RBM25: variants seen among roughly 807,000 people sequenced by gnomAD.
RBM25 encodes the protein RNA binding motif protein 25.
Under a neutral mutation model 120.7 loss-of-function variants are expected in RBM25, and 19 were observed. The observed-to-expected ratio is 0.16, with a 90% CI of 0.11 to 0.23. RBM25 has a LOEUF of 0.23. RBM25 is among the 10% of genes least tolerant of loss of function. The pLI is 1.00. For synonymous variants in RBM25, 390 were observed against 326.7 expected, an observed-to-expected ratio of 1.19 and a Z score of -2.09; for missense variants, 605 against 1,041.5, an observed-to-expected ratio of 0.58 and a Z score of 5.77.
At chr14:73,076,687 A>G (rs1594903551) in intron 3 of RBM25, among the ~76,000 whole-genome samples, 1 of 151,854 alleles carries the variant, frequency 6.6e-6, no homozygotes, top group Non-Finnish European at 1.5e-5. Context: ...GTCCTGGGAG[A>G]TGGGAGAAGG....
chr14:73,093,523 C>A (rs1895862806), intron 6 of RBM25, among the ~76,000 whole-genome samples: 1 of 152,126 alleles, frequency 6.6e-6, no homozygotes, highest in Non-Finnish European at 1.5e-5. Flanking sequence ...TCCCTCTCTG[C>A]CCACCGAAGT....
intron 9 of RBM25, 104 bp from the exon 10 acceptor site, chr14:73,103,088 C>G (rs1896086147): frequency 1.3e-6 from 2 of 1,517,338 alleles, no homozygotes; most frequent in Non-Finnish European, 1.8e-6. Flanking sequence ...ATTAATGTAT[C>G]AGTGGTTTGG....
Position 73,097,184 on chromosome 14 carries a change from CTTTTTTCTTTTCTTTTTTTT to C in RBM25, c.729+91_729+110del. On this transcript the variant is annotated intron_variant, in intron 7 of 18. Transcript: ENST00000261973. The stretch of plus-strand genomic sequence containing the variant: ...TATACTTTGATTACATGTCAGTTTT[CTTTTTTCTTTTCTTTTTTTT>C]TTTTTTTTTTTTTTGAGATGGAGGC... 5.3e-5 allele frequency: 10 copies of C among 187,664 alleles called. No individual in the cohort carries two copies. In the South Asian group the frequency reaches 2.2e-3, roughly 41 times the overall value. The allele number at this position is 187,664 out of a possible 1,614,324, so 11.6% of individuals were successfully genotyped here. A position where few individuals can be genotyped will look rare whatever the true frequency, so the allele number is the denominator to read the frequency against.
intron 1 of RBM25, chr14:73,068,763 A>T: frequency 3.5e-6 from 1 of 286,480 alleles, no homozygotes; most frequent in Non-Finnish European, 6.9e-6. Flanking sequence ...TTTAGTAGAG[A>T]TGGGGTTTCA....
Position 73,106,234 on chromosome 14 carries a change from C to A in RBM25, c.1416C>A (p.Thr472=). The A allele has an allele frequency of 6.3e-7, 1 of 1,596,150 alleles. No individual in the cohort carries two copies. The highest frequency in any genetic ancestry group is 8.5e-7 in the Non-Finnish European group (1 of 1,173,758). ...KNWEIRERKK[T]REYEKEAERE... is the part of the protein sequence containing the mutation. ...GGGAAATCAGAGAACGAAAGAAAAC[C>A]CGGGAATATGAGAAAGAAGCTGAAA... Residue 472 remains threonine (T), a synonymous_variant, in exon 12 of 19, where the codon ACC becomes ACA. Coordinates refer to ENST00000261973, the MANE Select transcript of RBM25 (RefSeq NM_021239.3).
intron 2 of RBM25, among the ~76,000 whole-genome samples, chr14:73,073,369 T>TC (rs1420434575): frequency 2.0e-5 from 3 of 152,094 alleles, no homozygotes; most frequent in African/African-American, 7.2e-5. Context: ...ATTTAACACT[T>TC]CAAGAATTTG....
At chr14:73,092,404 A>T (rs1255684073) in intron 6 of RBM25, among the ~76,000 whole-genome samples, 1 of 152,064 alleles carries the variant, frequency 6.6e-6, no homozygotes, top group Non-Finnish European at 1.5e-5. Flanking sequence ...TAAGTAGAGG[A>T]TAGGAGAATG....
At chr14:73,086,446 AAAAAC>A (rs1895687967) in intron 5 of RBM25, among the ~76,000 whole-genome samples, 2 of 151,866 alleles carry the variant, frequency 1.3e-5, no homozygotes, top group Non-Finnish European at 2.9e-5. Flanking sequence ...AAAAAAAAAA[AAAAAC>A]AAAACAGTGG....
rs960285913 is a variant in RBM25, at chr14:73,111,778, C to G, written c.2268C>G (p.Pro756=). 3.1e-6 allele frequency: 5 copies of G among 1,609,004 alleles called. No homozygotes were observed. The African/African-American group carries it at 6.7e-5, about 22-fold the overall frequency. The change falls in exon 16 of 19, where the codon CCC becomes CCG. Residue 756 remains proline (P), a synonymous_variant. Coordinates refer to ENST00000261973, the MANE Select transcript of RBM25 (RefSeq NM_021239.3). ...CCAAACCTGAGCTCTTCGCTTATCC[C>G]CTGGATTGGTCTATTGTGGATTCTG... The part of the protein sequence containing the change: ...PTAKPELFAY[P]LDWSIVDSIL...
At chr14:73,114,482 A>G in intron 18 of RBM25, 149 bp downstream of exon 18, 1 of 517,340 alleles carries the variant, frequency 1.9e-6, no homozygotes, top group Non-Finnish European at 3.3e-6. Flanking sequence ...TCAGCCTCCC[A>G]AAGTGTTGAG....
Position 73,088,151 on chromosome 14 carries a change from C to T in RBM25, c.533C>T (p.Ala178Val), listed in dbSNP as rs1481069530. The T allele has an allele frequency of 6.2e-7, 1 of 1,614,006 alleles. No individual in the cohort carries two copies. The highest frequency in any genetic ancestry group is 1.7e-5 in the Admixed American group (1 of 59,980). ...GATGAATGGAAAGCAAAGAAGAAAG[C>T]TTCTAATGGGGTATGTTTTCTGTCG... The part of the protein sequence containing the change: ...QLDEWKAKKK[A>V]SNGNARPETV... Residue 178 changes from alanine (A) to valine (V), a missense_variant, in exon 6 of 19, where the codon GCT (alanine) becomes GTT (valine). This residue lies in a region of RBM25 where 465 missense variants were observed against 741.6 expected (regional missense o/e 0.63). Coordinates refer to ENST00000261973, the MANE Select transcript of RBM25 (RefSeq NM_021239.3).
Position 73,077,634 on chromosome 14 carries a change from A to T in RBM25, c.324+98A>T, listed in dbSNP as rs541990854. The T allele has an allele frequency of 2.4e-3, 2,832 of 1,162,028 alleles. 10 individuals carry two copies. The highest frequency in any genetic ancestry group is 3.0e-3 in the Non-Finnish European group (2,522 of 851,058). 72.0% of individuals were successfully genotyped at this position (1,162,028 alleles called of 1,614,324 possible). A position where few individuals can be genotyped will look rare whatever the true frequency, so the allele number is the denominator to read the frequency against. ...ACTTTCAGTGATTGCTTTTTATTTT[A>T]AAAAATTTCAGTCCTGCAGCAAAGG... is the stretch of plus-strand genomic sequence containing the variant. On this transcript the variant is annotated intron_variant, in intron 4 of 18. Transcript: ENST00000261973.
rs1332373692 is a variant in RBM25, at chr14:73,121,354, G to A, written c.*1549G>A. The A allele has an allele frequency of 6.6e-6, 1 of 152,356 alleles. No individual in the cohort carries two copies. Among genetic ancestry groups the A allele is most frequent in the East Asian group, 1.9e-4 (1 of 5,190 alleles). The allele number at this position is 152,356 out of a possible 1,614,324, so 9.4% of individuals were successfully genotyped here. A position where few individuals can be genotyped will look rare whatever the true frequency, so the allele number is the denominator to read the frequency against. On this transcript the variant is annotated 3_prime_UTR_variant, in exon 19 of 19. Coordinates refer to ENST00000261973, the MANE Select transcript of RBM25 (RefSeq NM_021239.3). The stretch of plus-strand genomic sequence containing the variant: ...TTCTTTCAGAATCATGTAAATAAAT[G>A]GCATCATGTTGTAATTGTGTGGTGC...
intron 6 of RBM25, among the ~76,000 whole-genome samples, chr14:73,095,806 A>G (rs1437906202): frequency 6.6e-6 from 1 of 152,146 alleles, no homozygotes; most frequent in East Asian, 1.9e-4. Flanking sequence ...CCAGGCATGT[A>G]TGCACATGAG....
intron 6 of RBM25, among the ~76,000 whole-genome samples, chr14:73,095,947 CAT>C (rs1390825044): frequency 6.6e-6 from 1 of 152,156 alleles, no homozygotes; most frequent in Non-Finnish European, 1.5e-5. Flanking sequence ...ATTTTCCCCA[CAT>C]AGAGGGAATA....
At chr14:73,073,778 TTG>T (rs1229837545) in intron 2 of RBM25, among the ~76,000 whole-genome samples, 1 of 152,218 alleles carries the variant, frequency 6.6e-6, no homozygotes, top group Non-Finnish European at 1.5e-5. Context: ...GACATTATGC[TTG>T]TAGTGGAGCT....
intron 1 of RBM25, among the ~76,000 whole-genome samples, chr14:73,067,105 T>C (rs747001149): frequency 6.6e-6 from 1 of 150,870 alleles, no homozygotes; most frequent in Non-Finnish European, 1.5e-5. Flanking sequence ...ATTCTTGCTC[T>C]GTCGCCCAGG....
At position 73,121,763 on chromosome 14, in the gene RBM25, C is replaced by G. The variant is rs900539345; in HGVS notation, c.*1958C>G. ...TTCCTTTGCTTCGTTTCTTCTCCTG[C>G]TCTGTCAACTGTACTTATCTTAAAG... On this transcript the variant is annotated 3_prime_UTR_variant, in exon 19 of 19. Transcript: ENST00000261973. 1 of 152,204 alleles carries G rather than the reference C, an allele frequency of 6.6e-6. No homozygotes were observed. The highest frequency in any genetic ancestry group is 6.5e-5 in the Admixed American group (1 of 15,270). 9.4% of individuals were successfully genotyped at this position (152,204 alleles called of 1,614,324 possible).
intron 13 of RBM25, 102 bp from the exon 14 acceptor site, chr14:73,109,239 GC>G: frequency 8.2e-7 from 1 of 1,226,430 alleles, no homozygotes; most frequent in Non-Finnish European, 1.2e-6. Flanking sequence ...TAACCTCTTA[GC>G]ATGCAGGTTG....
Sources: allele counts gnomAD v4.1 joint callset (sites outside exome capture counted in the v4.1 genomes callset), GRCh38; gene constraint gnomAD v4.1.1; regional missense constraint gnomAD v4.1.1; transcripts MANE v1.5; gene names NCBI Gene and HGNC (gene_info 2026-07-23, HGNC 2026-07-21).